Variants in SETD4 observed in about 807,000 individuals in gnomAD.
SETD4 encodes SET domain-containing protein 4.
In SETD4, 46 loss-of-function variants were observed where a neutral mutation model predicts 58.3. That is an observed-to-expected ratio of 0.79 (90% CI 0.62 to 1.01). The LOEUF (loss-of-function observed/expected upper bound fraction) is 1.01, where lower values mean the gene tolerates loss of function less well. Among genes scored for constraint, SETD4 ranks in the 50% least tolerant of loss-of-function variants. SETD4 has a pLI of 0.00. For missense variants in SETD4, 490 were observed against 523.3 expected (o/e 0.94, Z 0.62); for synonymous variants, 190 against 202.6 (o/e 0.94, Z 0.53).
intron 3 of SETD4, 132 bp downstream of exon 3, chr21:36,056,977 T>C: frequency 1.4e-6 from 1 of 723,600 alleles, no homozygotes. Flanking sequence ...GGACTCCTCC[T>C]CCAACCCAAG....
intron 3 of SETD4, among the ~76,000 whole-genome samples, chr21:36,056,687 T>G (rs1282255347): frequency 3.3e-5 from 5 of 151,846 alleles, no homozygotes; most frequent in Non-Finnish European, 7.4e-5. Context: ...GCCTCTAGAG[T>G]AGCTGGGACT....
intron 4 of SETD4, among the ~76,000 whole-genome samples, chr21:36,052,467 A>C (rs1419516141): frequency 1.3e-5 from 2 of 151,448 alleles, no homozygotes; most frequent in Non-Finnish European, 2.9e-5. Flanking sequence ...CTGAGGCAAA[A>C]GAATTGCTTG....
At position 36,037,771 on chromosome 21, in the gene SETD4, G is replaced by A. The variant is rs1403010497; in HGVS notation, c.1188+379C>T. On this transcript the variant is annotated intron_variant, in intron 10 of 11. Coordinates refer to ENST00000332131, the MANE Select transcript of SETD4 (RefSeq NM_017438.5). ...AGCACTTTGGGAGGCTGAGGCGGGT[G>A]GATCACTTGAGGTCAGGAGTTCAAG... 2.0e-5 allele frequency among the ~76,000 whole-genome samples: 3 copies of A among 152,032 alleles called. No individual in the cohort carries two copies. In the East Asian group the frequency reaches 5.8e-4, roughly 29 times the overall value.
At chr21:36,052,198 C>T (rs1261691853) in intron 4 of SETD4, among the ~76,000 whole-genome samples, 1 of 152,030 alleles carries the variant, frequency 6.6e-6, no homozygotes, top group African/African-American at 2.4e-5. Flanking sequence ...AGAAACTATA[C>T]TTTCCTTTAA....
chr21:36,056,985 A>AC, intron 3 of SETD4, 124 bp downstream of exon 3: 1 of 755,750 alleles, frequency 1.3e-6, no homozygotes. Context: ...CCTCCAACCC[A>AC]AGGGGAACAC....
Position 36,045,737 on chromosome 21 carries a change from T to C in SETD4, c.571A>G (p.Ile191Val), listed in dbSNP as rs375798093. 15 of 1,614,096 alleles carry C rather than the reference T, an allele frequency of 9.3e-6. No individual in the cohort carries two copies. The highest frequency in any genetic ancestry group is 8.8e-5 in the South Asian group (8 of 91,090). ...CACAGCAGGGCACTGTAGCTGAAGA[T>C]GCTGTCAACAGCCTCCGCAAACAGA... ...QPLFAEAVDS[I>V]FSYSALLWAW... Residue 191 changes from isoleucine (I) to valine (V), a missense_variant, in exon 6 of 12, where the codon ATC becomes GTC. Coordinates refer to ENST00000332131, the MANE Select transcript of SETD4 (RefSeq NM_017438.5).
chr21:36,050,735 T>A, intron 4 of SETD4: 1 of 1,612,718 alleles, frequency 6.2e-7, no homozygotes, highest in South Asian at 1.1e-5. Context: ...TGGCTCGAGA[T>A]AAGCACCATT....
rs988159244 is a variant in SETD4 at position 36,056,997 on chromosome 21, T to C, written c.169+112A>G. On this transcript the variant is annotated intron_variant, in intron 3 of 11. Coordinates refer to ENST00000332131, the MANE Select transcript of SETD4 (RefSeq NM_017438.5). ...CCTCCTCCAACCCAAGGGGAACACATGCAAACCAGCTGAAGGACAATATCT... is the reference window on the plus strand; with the variant it reads ...CCTCCTCCAACCCAAGGGGAACACACGCAAACCAGCTGAAGGACAATATCT... 3 of 830,620 alleles carry C rather than the reference T, an allele frequency of 3.6e-6. No homozygotes were observed. The African/African-American group carries it at 5.0e-5, about 14-fold the overall frequency. The allele number at this position is 830,620 out of a possible 1,614,324, so 51.5% of individuals were successfully genotyped here. A position where few individuals can be genotyped will look rare whatever the true frequency, so the allele number is the denominator to read the frequency against.
intron 4 of SETD4, among the ~76,000 whole-genome samples, chr21:36,052,750 G>A (rs575034231): frequency 6.6e-6 from 1 of 152,222 alleles, no homozygotes; most frequent in African/African-American, 2.4e-5. Flanking sequence ...AAATAGCATT[G>A]GAAGAATGAA....
intron 10 of SETD4, among the ~76,000 whole-genome samples, chr21:36,037,718 GC>G (rs2063850145): frequency 6.6e-6 from 1 of 151,730 alleles, no homozygotes; most frequent in Non-Finnish European, 1.5e-5. Flanking sequence ...GGTGGTTCAG[GC>G]CAGGCGCAGT....
intron 1 of SETD4, chr21:36,060,099 C>A: frequency 4.1e-6 from 4 of 985,654 alleles, no homozygotes; most frequent in Non-Finnish European, 4.8e-6. Flanking sequence ...GCCAGGCGAG[C>A]ATCGGACCTC....
In SETD4 at chr21:36,036,080, C is replaced by G. The variant is rs751167141; in HGVS notation, c.*32+5G>C. The G allele has an allele frequency of 8.1e-6, 13 of 1,613,854 alleles. No homozygotes were observed. The highest frequency in any genetic ancestry group is 7.6e-6 in the Non-Finnish European group (9 of 1,179,908). The stretch of plus-strand genomic sequence containing the variant: ...CTTAGTCTAAAATGTGTGACTAACA[C>G]CCACCAGAGGAGGTGACCAAATGCG... On this transcript the variant is annotated splice_donor_5th_base_variant and intron_variant, in intron 11 of 11. Coordinates refer to ENST00000332131, the MANE Select transcript of SETD4 (RefSeq NM_017438.5).
At chr21:36,058,719 G>GA (rs2065119644) in intron 2 of SETD4, 97 bp downstream of exon 2, 5 of 1,374,168 alleles carry the variant, frequency 3.6e-6, no homozygotes, top group South Asian at 1.5e-5. Context: ...ATCCGTCTCA[G>GA]AAAAAAGAAA....
Position 36,036,252 on chromosome 21 carries a change from C to T in SETD4, c.1189-1G>A, listed in dbSNP as rs759257651. 6.3e-7 allele frequency: 1 copy of T among 1,581,746 alleles called. No individual in the cohort carries two copies. The highest frequency in any genetic ancestry group is 2.0e-5 in the Admixed American group (1 of 50,098). On this transcript the variant is annotated splice_acceptor_variant, in intron 10 of 11. Coordinates refer to ENST00000332131, the MANE Select transcript of SETD4 (RefSeq NM_017438.5). LOFTEE classifies it high-confidence loss of function. ...CTTTTTCATCCTTCATATGAGACACCTGAAAGTTATTTTTTAATTATTGTT... is the reference window on the plus strand; with the variant it reads ...CTTTTTCATCCTTCATATGAGACACTTGAAAGTTATTTTTTAATTATTGTT...
At chr21:36,037,052 T>C (rs1374031361) in intron 10 of SETD4, among the ~76,000 whole-genome samples, 1 of 152,064 alleles carries the variant, frequency 6.6e-6, no homozygotes, top group Non-Finnish European at 1.5e-5. Flanking sequence ...GAGATGTTGA[T>C]CAAAAGACAC....
intron 8 of SETD4, 53 bp from the exon 9 acceptor site, chr21:36,040,708 C>T: frequency 2.0e-6 from 3 of 1,506,780 alleles, no homozygotes; most frequent in Non-Finnish European, 2.8e-6. Flanking sequence ...ATTTCATGAC[C>T]TCATAGCAAA....
intron 8 of SETD4, 34 bp downstream of exon 8, chr21:36,041,773 G>A: frequency 7.1e-7 from 1 of 1,399,960 alleles, no homozygotes; most frequent in Non-Finnish European, 9.7e-7. Flanking sequence ...ATTTCCTAAA[G>A]GAATAATTTT....
At chr21:36,050,606 G>C in intron 4 of SETD4, 1 of 1,612,420 alleles carries the variant, frequency 6.2e-7, no homozygotes, top group Non-Finnish European at 8.5e-7. Context: ...TTCCTCTGCC[G>C]GATACTTTCT....
chr21:36,039,649 CCT>C (rs1157989384), intron 9 of SETD4, among the ~76,000 whole-genome samples: 2 of 152,184 alleles, frequency 1.3e-5, no homozygotes, highest in African/African-American at 2.4e-5. Flanking sequence ...CTCAGATTTG[CCT>C]CTCAGTTTTC....
Sources: gnomAD v4.1 joint callset for allele counts (sites outside exome capture counted in the v4.1 genomes callset) on GRCh38, gnomAD v4.1.1 for gene constraint, MANE v1.5 for transcripts, NCBI Gene and HGNC (gene_info 2026-07-23, HGNC 2026-07-21) for gene names.